The following PREPL variants were observed in gnomAD, a reference collection of about 807,000 sequenced individuals.
PREPL encodes the protein prolyl endopeptidase like.
A neutral mutation model predicts 70.6 loss-of-function variants in PREPL; 77 were observed. The observed-to-expected ratio is 1.09, with a 90% CI of 0.91 to 1.32. The LOEUF is 1.32. Ranked by LOEUF, PREPL falls within the 40% of genes most tolerant of loss-of-function variation. The probability of loss-of-function intolerance (pLI) is 0.00; values close to 1 mark genes in which losing one functional copy is unlikely to be tolerated. For missense variants in PREPL, 1,002 were observed against 778.2 expected (o/e 1.29, Z -3.42); for synonymous variants, 315 against 264.8 (o/e 1.19, Z -1.84).
chr2:44,341,360 A>G (rs17032148), intron 5 of PREPL, among the ~76,000 whole-genome samples: 11,260 of 152,154 alleles, frequency 0.074, 525 homozygotes, highest in South Asian at 0.14. Flanking sequence ...AGTTATTCTA[A>G]GCTCTATTAT....
chr2:44,352,633 T>G (rs1222411457), intron 1 of PREPL, among the ~76,000 whole-genome samples: 1 of 152,214 alleles, frequency 6.6e-6, no homozygotes, highest in African/African-American at 2.4e-5. Context: ...GCAGGGATTT[T>G]TGTTTATTTT....
chr2:44,352,989 G>A (rs2104147293), intron 1 of PREPL, among the ~76,000 whole-genome samples: 1 of 152,314 alleles, frequency 6.6e-6, no homozygotes, highest in South Asian at 2.1e-4. Flanking sequence ...GCTCATGCCT[G>A]TAATCCCAGC....
chr2:44,361,167 T>C (rs1309302969), intron 1 of PREPL, among the ~76,000 whole-genome samples: 2 of 152,116 alleles, frequency 1.3e-5, no homozygotes, highest in Non-Finnish European at 2.9e-5. Flanking sequence ...GGTAGATAAA[T>C]GGGTGTTCTC....
intron 5 of PREPL, among the ~76,000 whole-genome samples, chr2:44,341,222 T>A (rs1312638639): frequency 2.0e-5 from 3 of 152,158 alleles, no homozygotes; most frequent in Non-Finnish European, 4.4e-5. Flanking sequence ...ACATATACAA[T>A]GATGAAAATT....
intron 7 of PREPL, among the ~76,000 whole-genome samples, chr2:44,334,865 T>C (rs920398448): frequency 3.3e-5 from 5 of 152,126 alleles, no homozygotes; most frequent in African/African-American, 7.2e-5. Context: ...CAGGCTGAGA[T>C]TGAATTTAAA....
chr2:44,354,496 T>C (rs1458239051), intron 1 of PREPL, among the ~76,000 whole-genome samples: 1 of 152,084 alleles, frequency 6.6e-6, no homozygotes, highest in Non-Finnish European at 1.5e-5. Flanking sequence ...GTAACAACTC[T>C]CCCCAAATTC....
chr2:44,356,744 A>T (rs1251269168), intron 1 of PREPL, among the ~76,000 whole-genome samples: 1 of 152,168 alleles, frequency 6.6e-6, no homozygotes, highest in Non-Finnish European at 1.5e-5. Flanking sequence ...AGGTAACAAG[A>T]GGTATAGAAT....
chr2:44,330,363 C>T lies in PREPL; in HGVS notation c.1087-1251G>A, dbSNP rs1255023565. Among the ~76,000 whole-genome samples, 5 of 152,166 alleles carry T rather than the reference C, an allele frequency of 3.3e-5. 1 individual carries two copies. The highest frequency in any genetic ancestry group is 6.5e-5 in the Admixed American group (1 of 15,280). ...CTGCTTCCCTTCTCCCCTCTTGGCT[C>T]TCCAAGAACATGGTGCTTAACTGTT... On this transcript the variant is annotated intron_variant, in intron 8 of 13. Coordinates refer to ENST00000409411, the MANE Select transcript of PREPL (RefSeq NM_001171613.2).
At position 44,320,687 on chromosome 2, in the gene PREPL, A is replaced by G; in HGVS notation, c.*669T>C. ...ACACTGGCATTTCAGTGGGATTGTAAGCATTTGTAATAGCTTCATGTACAG... is the reference window on the plus strand; with the variant it reads ...ACACTGGCATTTCAGTGGGATTGTAGGCATTTGTAATAGCTTCATGTACAG... On this transcript the variant is annotated 3_prime_UTR_variant, in exon 14 of 14. Transcript: ENST00000409411. The G allele has an allele frequency of 7.0e-7, 1 of 1,423,104 alleles. No homozygotes were observed. The highest frequency in any genetic ancestry group is 1.4e-5 in the African/African-American group (1 of 71,418). 88.2% of individuals were successfully genotyped at this position (1,423,104 alleles called of 1,614,324 possible). A position where few individuals can be genotyped will look rare whatever the true frequency, so the allele number is the denominator to read the frequency against.
chr2:44,337,234 A>G (rs1486335061), intron 7 of PREPL, among the ~76,000 whole-genome samples: 1 of 152,144 alleles, frequency 6.6e-6, no homozygotes, highest in Admixed American at 6.6e-5. Flanking sequence ...CCACCTGTCA[A>G]AATCCTATCT....
Position 44,320,788 on chromosome 2 carries a change from C to T in PREPL, c.*568G>A. On this transcript the variant is annotated 3_prime_UTR_variant, in exon 14 of 14. Coordinates refer to ENST00000409411, the MANE Select transcript of PREPL (RefSeq NM_001171613.2). Reference sequence around the variant, plus strand: ...ATGTAACTGCTTTAAGAAAGGTTCTCAAATGTTTTGAAAAAAATAAAATGT... The same window carrying T: ...ATGTAACTGCTTTAAGAAAGGTTCTTAAATGTTTTGAAAAAAATAAAATGT... 2 of 702,296 alleles carry T rather than the reference C, an allele frequency of 2.8e-6. No individual in the cohort carries two copies. The highest frequency in any genetic ancestry group is 2.7e-5 in the East Asian group (1 of 37,174). 43.5% of individuals were successfully genotyped at this position (702,296 alleles called of 1,614,324 possible).
rs148486441 is a variant in PREPL at position 44,320,134 on chromosome 2, T to C, written c.*1222A>G. Reference sequence around the variant, plus strand: ...TGGGTAAATAACTCCTTACAATATATTAAAAATACTTACAAACAATTCTTA... The same window carrying C: ...TGGGTAAATAACTCCTTACAATATACTAAAAATACTTACAAACAATTCTTA... On this transcript the variant is annotated 3_prime_UTR_variant, in exon 14 of 14. Transcript: ENST00000409411. The C allele has an allele frequency of 7.1e-7, 1 of 1,408,420 alleles. No individual in the cohort carries two copies. Among genetic ancestry groups the C allele is most frequent in the African/African-American group, 1.4e-5 (1 of 69,596 alleles). 87.2% of individuals were successfully genotyped at this position (1,408,420 alleles called of 1,614,324 possible). A position where few individuals can be genotyped will look rare whatever the true frequency, so the allele number is the denominator to read the frequency against.
chr2:44,358,198 A>C (rs1027265393), intron 1 of PREPL, among the ~76,000 whole-genome samples: 1 of 152,232 alleles, frequency 6.6e-6, no homozygotes, highest in African/African-American at 2.4e-5. Context: ...TGGTTTATAC[A>C]TACAAAGGAA....
In PREPL at chr2:44,332,501, G is replaced by A. The variant is rs759708102; in HGVS notation, c.1044C>T (p.Ile348=). 2 of 1,614,094 alleles carry A rather than the reference G, an allele frequency of 1.2e-6. No individual in the cohort carries two copies. Among genetic ancestry groups the A allele is most frequent in the South Asian group, 2.2e-5 (2 of 91,070 alleles). The stretch of plus-strand genomic sequence containing the variant: ...GACGTAAAACGCGACTAGTCTTTGT[G>A]ATTGGGTCTTCATGCCCAGTTTCCT... The part of the protein sequence containing the change: ...LFEETGHEDP[I]TKTSRVLRLE... The change falls in exon 8 of 14, where the codon ATC becomes ATT. Residue 348 remains isoleucine (I), a synonymous_variant. Coordinates refer to ENST00000409411, the MANE Select transcript of PREPL (RefSeq NM_001171613.2).
chr2:44,352,375 C>G (rs958990116), intron 1 of PREPL, among the ~76,000 whole-genome samples: 1 of 152,056 alleles, frequency 6.6e-6, no homozygotes, highest in East Asian at 1.9e-4. Context: ...GCAATTGATC[C>G]TTGATCTCAG....
At chr2:44,327,805 G>A (rs949677413) in intron 9 of PREPL, among the ~76,000 whole-genome samples, 1 of 152,102 alleles carries the variant, frequency 6.6e-6, no homozygotes, top group Admixed American at 6.5e-5. Flanking sequence ...GGAGGTTGCA[G>A]TGAGCGGAGA....
At chr2:44,327,794 C>T (rs1382451609) in intron 9 of PREPL, among the ~76,000 whole-genome samples, 1 of 151,674 alleles carries the variant, frequency 6.6e-6, no homozygotes, top group East Asian at 1.9e-4. Context: ...ACCTGGGAGG[C>T]GGAGGTTGCA....
intron 8 of PREPL, among the ~76,000 whole-genome samples, chr2:44,329,682 A>G (rs1673893581): frequency 6.6e-6 from 1 of 152,206 alleles, no homozygotes; most frequent in Non-Finnish European, 1.5e-5. Flanking sequence ...AAAAATTTAA[A>G]GTGGTCTTAA....
Position 44,343,780 on chromosome 2 carries a change from A to T in PREPL, c.314T>A (p.Val105Glu). ...CACATTCGGGAAAGAAGCTTCCATT[A>T]CGGGCTGATCGCTGAGCTTTATAAT... ...CVIIKLSDQP[V>E]MEASFPNVSS... Residue 105 changes from valine to glutamate, a missense_variant, in exon 4 of 14, where the codon GTA becomes GAA. Transcript: ENST00000409411. 6.2e-7 allele frequency: 1 copy of T among 1,613,992 alleles called. No homozygotes were observed. The highest frequency in any genetic ancestry group is 8.5e-7 in the Non-Finnish European group (1 of 1,179,870).
Sources: gnomAD v4.1 joint callset for allele counts (sites outside exome capture counted in the v4.1 genomes callset) on GRCh38, gnomAD v4.1.1 for gene constraint, MANE v1.5 for transcripts, NCBI Gene and HGNC (gene_info 2026-07-23, HGNC 2026-07-21) for gene names.